CAPZB: variants seen among roughly 807,000 people sequenced by gnomAD.
The protein encoded by CAPZB is capping actin protein of muscle Z-line subunit beta.
A neutral mutation model predicts 38.1 loss-of-function variants in CAPZB; 2 were observed. The observed-to-expected ratio is 0.05, with a 90% confidence interval of 0.02 to 0.17. The LOEUF is 0.17. Among genes scored for constraint, CAPZB ranks in the 10% least tolerant of loss-of-function variants. The probability of loss-of-function intolerance (pLI) is 1.00; values close to 1 mark genes in which losing one functional copy is unlikely to be tolerated. For missense variants in CAPZB, 161 were observed against 334.2 expected, an observed-to-expected ratio of 0.48 and a Z score of 4.04; for synonymous variants, 107 against 127.4, an observed-to-expected ratio of 0.84 and a Z score of 1.08.
chr1:19,462,237 G>C (rs1265201456), intron 1 of CAPZB, among the ~76,000 whole-genome samples: 1 of 151,944 alleles, frequency 6.6e-6, no homozygotes, highest in Admixed American at 6.6e-5. Flanking sequence ...TGGATCACGA[G>C]GTCAGGAGAT....
At chr1:19,469,421 ATTAATAAATAACAG>A (rs1436297207) in intron 1 of CAPZB, among the ~76,000 whole-genome samples, 2 of 152,266 alleles carry the variant, frequency 1.3e-5, no homozygotes, top group African/African-American at 4.8e-5. Context: ...TAAAGAAAAA[ATTAATAAATAACAG>A]TTCTGGCATA....
intron 2 of CAPZB, among the ~76,000 whole-genome samples, chr1:19,397,672 A>G (rs1169582781): frequency 6.6e-6 from 1 of 152,228 alleles, no homozygotes; most frequent in Non-Finnish European, 1.5e-5. Context: ...AGGGAGGGAA[A>G]TGGGAAATGC....
chr1:19,347,009 TTTTTTATTTTTAG>T (rs2093965695), intron 6 of CAPZB, among the ~76,000 whole-genome samples: 1 of 151,284 alleles, frequency 6.6e-6, no homozygotes, highest in Non-Finnish European at 1.5e-5. Context: ...TTTATTTTTA[TTTTTTATTTTTAG>T]TAGAGACAGG....
chr1:19,347,116 C>T (rs1366960728), intron 6 of CAPZB, among the ~76,000 whole-genome samples: 1 of 151,988 alleles, frequency 6.6e-6, no homozygotes, highest in African/African-American at 2.4e-5. Flanking sequence ...GCTGGGATTA[C>T]AAGTATGAGC....
chr1:19,482,937 G>A (rs2094635120), intron 1 of CAPZB, among the ~76,000 whole-genome samples: 1 of 152,180 alleles, frequency 6.6e-6, no homozygotes, highest in South Asian at 2.1e-4. Context: ...GGGATACTAA[G>A]AACAAGTGAC....
intron 4 of CAPZB, among the ~76,000 whole-genome samples, chr1:19,364,187 A>G (rs1302805204): frequency 6.6e-6 from 1 of 152,268 alleles, no homozygotes; most frequent in African/African-American, 2.4e-5. Context: ...TTTGGCACCA[A>G]CACAGTGCAA....
At chr1:19,459,842 C>T (rs2094544952) in intron 1 of CAPZB, among the ~76,000 whole-genome samples, 1 of 152,150 alleles carries the variant, frequency 6.6e-6, no homozygotes, top group Admixed American at 6.5e-5. Flanking sequence ...AGACGTAAAT[C>T]ATCCCTTTAT....
chr1:19,465,336 G>T (rs939441890), intron 1 of CAPZB, among the ~76,000 whole-genome samples: 1 of 152,138 alleles, frequency 6.6e-6, no homozygotes, highest in East Asian at 1.9e-4. Context: ...CATGTGAGGC[G>T]CTGTCTATGA....
At chr1:19,429,732 A>G (rs1204247175) in intron 1 of CAPZB, among the ~76,000 whole-genome samples, 1 of 152,096 alleles carries the variant, frequency 6.6e-6, no homozygotes, top group Non-Finnish European at 1.5e-5. Flanking sequence ...CCCTCACTTG[A>G]CACAGGTTTT....
chr1:19,444,065 G>A (rs1166101752), intron 1 of CAPZB, among the ~76,000 whole-genome samples: 3 of 152,204 alleles, frequency 2.0e-5, no homozygotes, highest in African/African-American at 7.2e-5. Flanking sequence ...GGCTGAGGCA[G>A]GAGAATTGCT....
intron 1 of CAPZB, among the ~76,000 whole-genome samples, chr1:19,446,883 GT>G (rs1017572255): frequency 1.3e-5 from 2 of 152,092 alleles, no homozygotes; most frequent in Non-Finnish European, 2.9e-5. Flanking sequence ...TGAACTCCAA[GT>G]TTTTTCCATC....
chr1:19,376,242 C>T (rs994479447), intron 4 of CAPZB, among the ~76,000 whole-genome samples: 2 of 152,172 alleles, frequency 1.3e-5, no homozygotes, highest in Non-Finnish European at 1.5e-5. Flanking sequence ...CTTCCTCAGG[C>T]TTAGGGGATG....
At position 19,385,581 on chromosome 1, in the gene CAPZB, G is replaced by C; in HGVS notation, c.139C>G (p.Leu47Val). The change falls in exon 3 of 9, where the codon CTG (leucine) becomes GTG (valine). Residue 47 changes from leucine to valine, a missense_variant. Physicochemically the swap from Leu to Val is conservative, Grantham distance 32. Transcript: ENST00000264202. ...EDLLSSVDQPLKIARDKVVGK... is the reference protein window; with the variant it reads ...EDLLSSVDQPVKIARDKVVGK... ...ACCACCTTGTCTCTGGCAATTTTCA[G>C]TGGCTGGTCAACAGAAGACAGGAGA... The C allele has an allele frequency of 6.2e-7, 1 of 1,614,166 alleles. No homozygotes were observed. The highest frequency in any genetic ancestry group is 8.5e-7 in the Non-Finnish European group (1 of 1,180,020).
intron 2 of CAPZB, among the ~76,000 whole-genome samples, chr1:19,388,219 A>G (rs1053595662): frequency 2.0e-4 from 30 of 152,358 alleles, no homozygotes; most frequent in African/African-American, 6.5e-4. Flanking sequence ...ATCTCTTCCT[A>G]GCACTTAACA....
chr1:19,351,779 A>G (rs2093992888), intron 6 of CAPZB, among the ~76,000 whole-genome samples: 2 of 152,140 alleles, frequency 1.3e-5, no homozygotes, highest in African/African-American at 2.4e-5. Context: ...ACTGAAGGAC[A>G]AACCACAATC....
intron 1 of CAPZB, among the ~76,000 whole-genome samples, chr1:19,477,233 A>T (rs2094610093): frequency 6.6e-6 from 1 of 152,182 alleles, no homozygotes; most frequent in African/African-American, 2.4e-5. Context: ...ACTCCTCAAG[A>T]CCAAGAATGG....
intron 1 of CAPZB, among the ~76,000 whole-genome samples, chr1:19,427,686 T>C (rs980158871): frequency 1.3e-5 from 2 of 152,148 alleles, no homozygotes; most frequent in African/African-American, 4.8e-5. Context: ...CTCTGGGATG[T>C]GACAATAGCT....
chr1:19,468,988 G>A (rs762229796), intron 1 of CAPZB, among the ~76,000 whole-genome samples: 3 of 152,184 alleles, frequency 2.0e-5, no homozygotes, highest in Middle Eastern at 3.2e-3. Context: ...AAGTCTGTCC[G>A]TCTGTCTGAC....
chr1:19,445,640 G>A (rs904965), intron 1 of CAPZB, among the ~76,000 whole-genome samples: 82,465 of 151,954 alleles, frequency 0.54, 23,079 homozygotes, highest in South Asian at 0.76. Context: ...AAAATAATCC[G>A]CATGATTCCA....
Sources: gnomAD v4.1 joint callset for allele counts (sites outside exome capture counted in the v4.1 genomes callset) on GRCh38, gnomAD v4.1.1 for gene constraint, MANE v1.5 for transcripts, NCBI Gene and HGNC (gene_info 2026-07-23, HGNC 2026-07-21) for gene names.